Variants in ADAD1 observed in about 807,000 individuals in gnomAD.
ADAD1 encodes adenosine deaminase domain-containing protein 1.
A neutral mutation model predicts 66.8 loss-of-function variants in ADAD1; 46 were observed. That is an observed-to-expected ratio of 0.69 (90% CI 0.54 to 0.88). The LOEUF is 0.88. Among genes scored for constraint, ADAD1 ranks in the 40% least tolerant of loss-of-function variants. The probability of loss-of-function intolerance (pLI) is 0.00; values close to 1 mark genes in which losing one functional copy is unlikely to be tolerated. For synonymous variants in ADAD1, 248 were observed against 229.4 expected (o/e 1.08, Z -0.73); for missense variants, 617 against 681.8 (o/e 0.91, Z 1.06).
chr4:122,423,139 G>A (rs894066608), intron 12 of ADAD1, among the ~76,000 whole-genome samples: 1 of 152,050 alleles, frequency 6.6e-6, no homozygotes, highest in Non-Finnish European at 1.5e-5. Context: ...ACCCAGTGAG[G>A]CTACCACCAA....
At chr4:122,391,678 A>G (rs1795454831) in intron 5 of ADAD1, among the ~76,000 whole-genome samples, 1 of 152,158 alleles carries the variant, frequency 6.6e-6, no homozygotes, top group Non-Finnish European at 1.5e-5. Flanking sequence ...GGCTGTGGGG[A>G]TAAGTCTTGG....
Position 122,411,274 on chromosome 4 carries a change from G to C in ADAD1, c.901G>C (p.Glu301Gln). Residue 301 changes from glutamate to glutamine, a missense_variant, in exon 9 of 13, where the codon GAA becomes CAA. Transcript: ENST00000296513. ...CTACAGCAAAAATCCTGCTATGATG[G>C]AAAAATCAATATTTTGTACAGAACC... ...LFYSKNPAMM[E>Q]KSIFCTEPTS... The C allele has an allele frequency of 6.2e-7, 1 of 1,610,938 alleles. No homozygotes were observed. Among genetic ancestry groups the C allele is most frequent in the Non-Finnish European group, 8.5e-7 (1 of 1,179,060 alleles).
Position 122,415,620 on chromosome 4 carries a change from A to T in ADAD1, c.1487+4A>T. ...TGAGTGGGAAGATCACTGAAAGGTT[A>T]AAATTACTAATTTCTTTAAACCATA... On this transcript the variant is annotated splice_donor_region_variant and intron_variant, in intron 11 of 12. Transcript: ENST00000296513. The T allele has an allele frequency of 6.2e-7, 1 of 1,607,070 alleles. No homozygotes were observed. Among genetic ancestry groups the T allele is most frequent in the Non-Finnish European group, 8.5e-7 (1 of 1,174,180 alleles).
At chr4:122,426,993 C>T (rs1025998949) in intron 12 of ADAD1, among the ~76,000 whole-genome samples, 25 of 152,110 alleles carry the variant, frequency 1.6e-4, no homozygotes, top group African/African-American at 5.6e-4. Context: ...CTAGCCAGTG[C>T]AGCACGGAAA....
intron 11 of ADAD1, among the ~76,000 whole-genome samples, chr4:122,417,406 G>C (rs1260420102): frequency 6.8e-6 from 1 of 147,390 alleles, no homozygotes; most frequent in Non-Finnish European, 1.5e-5. Flanking sequence ...CAGTCTCAAA[G>C]CATTACAATA....
chr4:122,418,344 C>G (rs570318111), intron 11 of ADAD1, among the ~76,000 whole-genome samples: 1 of 124,328 alleles, frequency 8.0e-6, no homozygotes. Flanking sequence ...GAGTCTTGCT[C>G]TGTCGCCCAG....
intron 5 of ADAD1, among the ~76,000 whole-genome samples, chr4:122,385,702 C>T (rs1795140942): frequency 6.6e-6 from 1 of 152,164 alleles, no homozygotes; most frequent in Admixed American, 6.5e-5. Flanking sequence ...TCAACTCCCA[C>T]CCCCTAAAAG....
At chr4:122,400,110 T>C (rs536583735) in intron 7 of ADAD1, among the ~76,000 whole-genome samples, 2 of 152,232 alleles carry the variant, frequency 1.3e-5, no homozygotes, top group East Asian at 1.9e-4. Context: ...ACTTTGAACA[T>C]TTCCCTGTTC....
intron 6 of ADAD1, among the ~76,000 whole-genome samples, chr4:122,395,206 A>G (rs1795641543): frequency 6.6e-6 from 1 of 151,966 alleles, no homozygotes. Flanking sequence ...ACCCACCACC[A>G]TGCCTGGCTA....
In ADAD1 at chr4:122,380,089, G is replaced by T. The variant is rs1162430121; in HGVS notation, c.20G>T (p.Trp7Leu). The change falls in exon 3 of 13, where the codon TGG (tryptophan) becomes TTG (leucine). Residue 7 changes from tryptophan (W) to leucine (L), a missense_variant. Coordinates refer to ENST00000296513, the MANE Select transcript of ADAD1 (RefSeq NM_139243.4). MASNNH[W>L]FQSSQVPSFA... Reference sequence around the variant, plus strand: ...GAGAAAATGGCTAGCAACAATCATTGGTTTCAGAGTTCGCAGGTCCCCAGC... The same window carrying T: ...GAGAAAATGGCTAGCAACAATCATTTGTTTCAGAGTTCGCAGGTCCCCAGC... The T allele has an allele frequency of 1.2e-6, 2 of 1,612,560 alleles. No individual in the cohort carries two copies. The highest frequency in any genetic ancestry group is 1.7e-6 in the Non-Finnish European group (2 of 1,179,618).
rs117695377 is a variant in ADAD1, at chr4:122,390,999, A to G, written c.530-2590A>G. ...CTTTATCATCTTCGTGAGGTTGTCT[A>G]GTTTCAGTCTTTGAGCCTGCTGACC... is the stretch of plus-strand genomic sequence containing the variant. On this transcript the variant is annotated intron_variant, in intron 5 of 12. Transcript: ENST00000296513. Among the ~76,000 whole-genome samples the G allele has an allele frequency of 5.3e-5, 8 of 152,194 alleles. No homozygotes were observed. The East Asian group carries it at 1.5e-3, about 29-fold the overall frequency.
At chr4:122,385,270 G>A (rs1343666952) in intron 5 of ADAD1, among the ~76,000 whole-genome samples, 1 of 151,730 alleles carries the variant, frequency 6.6e-6, no homozygotes, top group African/African-American at 2.4e-5. Flanking sequence ...TTTATGTAGT[G>A]TTTTTCGTTT....
chr4:122,425,781 G>A (rs1337800811), intron 12 of ADAD1, among the ~76,000 whole-genome samples: 1 of 151,914 alleles, frequency 6.6e-6, no homozygotes, highest in Admixed American at 6.6e-5. Context: ...AGGGACTTGA[G>A]CATCTGCAGA....
At chr4:122,389,289 A>G (rs1795327378) in intron 5 of ADAD1, among the ~76,000 whole-genome samples, 1 of 152,156 alleles carries the variant, frequency 6.6e-6, no homozygotes, top group Non-Finnish European at 1.5e-5. Flanking sequence ...TACATGGTCC[A>G]TTTTAGAATT....
chr4:122,396,841 A>C (rs933074360), intron 7 of ADAD1, among the ~76,000 whole-genome samples: 1 of 152,226 alleles, frequency 6.6e-6, no homozygotes, highest in African/African-American at 2.4e-5. Flanking sequence ...TATAAATTAT[A>C]TAGAAACAAT....
intron 7 of ADAD1, among the ~76,000 whole-genome samples, chr4:122,403,375 A>G (rs1796062764): frequency 6.6e-6 from 1 of 152,018 alleles, no homozygotes; most frequent in South Asian, 2.1e-4. Context: ...AAATACCAGA[A>G]CCTGCTCTGG....
intron 12 of ADAD1, among the ~76,000 whole-genome samples, chr4:122,427,288 TAAC>T (rs1359782471): frequency 6.6e-6 from 1 of 152,116 alleles, no homozygotes; most frequent in Non-Finnish European, 1.5e-5. Context: ...GGAATAAATT[TAAC>T]AAAAGAAATG....
chr4:122,395,304 G>C (rs1267042000), intron 6 of ADAD1, among the ~76,000 whole-genome samples: 1 of 151,910 alleles, frequency 6.6e-6, no homozygotes, highest in Non-Finnish European at 1.5e-5. Flanking sequence ...ACCTCCCTCA[G>C]CCTCCCAAAG....
chr4:122,396,217 A>G (rs201601001), intron 6 of ADAD1, 35 bp from the exon 7 acceptor site: 43 of 1,534,964 alleles, frequency 2.8e-5, no homozygotes, highest in South Asian at 1.5e-4. Context: ...GAGGAGCACA[A>G]TGTTCTTGAA....
Sources: gnomAD v4.1 joint callset for allele counts (sites outside exome capture counted in the v4.1 genomes callset) on GRCh38, gnomAD v4.1.1 for gene constraint, MANE v1.5 for transcripts, NCBI Gene and HGNC (gene_info 2026-07-23, HGNC 2026-07-21) for gene names.